The following MICU1 variants were observed in gnomAD, a reference collection of about 807,000 sequenced individuals.
MICU1 encodes mitochondrial calcium uptake 1.
MICU1 carries 45 observed loss-of-function variants against 56.8 expected under a neutral mutation model. That is an observed-to-expected ratio of 0.79 (90% CI 0.62 to 1.02). The LOEUF (loss-of-function observed/expected upper bound fraction) is 1.02, where lower values mean the gene tolerates loss of function less well. Among genes scored for constraint, MICU1 ranks in the 50% least tolerant of loss-of-function variants. MICU1 has a pLI of 0.00. For synonymous variants in MICU1, 186 were observed against 195.1 expected (o/e 0.95, Z 0.39); for missense variants, 504 against 587.1 (o/e 0.86, Z 1.46).
At chr10:72,571,189 C>A (rs961946410) in intron 1 of MICU1, among the ~76,000 whole-genome samples, 1 of 152,120 alleles carries the variant, frequency 6.6e-6, no homozygotes, top group Non-Finnish European at 1.5e-5. Context: ...CATGGTGAAA[C>A]CCTGTCTCTA....
At chr10:72,549,191 G>GGT (rs1379085996) in intron 4 of MICU1, among the ~76,000 whole-genome samples, 4 of 131,538 alleles carry the variant, frequency 3.0e-5, no homozygotes, top group African/African-American at 2.8e-5. Context: ...GTTTTTTTTG[G>GGT]TTTTTTTTTT....
intron 10 of MICU1, among the ~76,000 whole-genome samples, chr10:72,386,201 G>A (rs1589158766): frequency 6.6e-6 from 1 of 151,790 alleles, no homozygotes; most frequent in East Asian, 1.9e-4. Context: ...TTTTGGAGGG[G>A]GACGGAGTCT....
intron 8 of MICU1, among the ~76,000 whole-genome samples, chr10:72,471,512 A>G (rs1865950658): frequency 6.6e-6 from 1 of 152,222 alleles, no homozygotes; most frequent in African/African-American, 2.4e-5. Context: ...GATTGTGGTC[A>G]GGCTGGCACC....
At chr10:72,438,502 A>G (rs1312248554) in intron 8 of MICU1, among the ~76,000 whole-genome samples, 1 of 152,236 alleles carries the variant, frequency 6.6e-6, no homozygotes, top group Admixed American at 6.5e-5. Flanking sequence ...GAGAAGCAAG[A>G]GCAAACAAAT....
intron 6 of MICU1, among the ~76,000 whole-genome samples, chr10:72,481,437 A>T (rs571536396): frequency 6.6e-6 from 1 of 152,152 alleles, no homozygotes; most frequent in South Asian, 2.1e-4. Flanking sequence ...TTTGAGACTG[A>T]ATCTTGCTCT....
In MICU1 at chr10:72,408,055, G is replaced by C. The variant is rs1309424135; in HGVS notation, c.1072-18C>G. On this transcript the variant is annotated intron_variant, in intron 9 of 11. Transcript: ENST00000361114. ...GTCAGACCCTGCAAGAGGAGAGACA[G>C]CAAGGTAAGGCAGGACCTGTAACAA... is the stretch of plus-strand genomic sequence containing the variant. 1.5e-5 allele frequency: 23 copies of C among 1,544,330 alleles called. No homozygotes were observed. Among genetic ancestry groups the C allele is most frequent in the East Asian group, 2.2e-5 (1 of 44,548 alleles).
chr10:72,588,232 A>C (rs1175877295), intron 1 of MICU1, among the ~76,000 whole-genome samples: 1 of 152,076 alleles, frequency 6.6e-6, no homozygotes, highest in Non-Finnish European at 1.5e-5. Context: ...CATAATTGAA[A>C]GTTTCCTGAG....
intron 1 of MICU1, among the ~76,000 whole-genome samples, chr10:72,567,053 A>G (rs149115154): frequency 1.3e-5 from 2 of 152,302 alleles, no homozygotes; most frequent in East Asian, 3.9e-4. Flanking sequence ...AACTTTTAAT[A>G]TAAAACATTA....
At chr10:72,477,998 A>C (rs535464381) in intron 6 of MICU1, among the ~76,000 whole-genome samples, 93 of 151,696 alleles carry the variant, frequency 6.1e-4, no homozygotes, top group Non-Finnish European at 1.2e-3. Context: ...CCACCCGAGT[A>C]ATTGGGATTA....
In MICU1 at chr10:72,586,013, C is replaced by CTTTTTTTTT. The variant is rs71021511; in HGVS notation, c.-1-19228_-1-19220dup. On this transcript the variant is annotated intron_variant, in intron 1 of 11. Transcript: ENST00000361114. ...GTTTTTATTTTTTCTTTTTTTTTTT[C>CTTTTTTTTT]TTTTTTTTTTTTTTTTTTTGAGACA... is the stretch of plus-strand genomic sequence containing the variant. Among the ~76,000 whole-genome samples, 78 of 74,706 alleles carry CTTTTTTTTT rather than the reference C, an allele frequency of 1.0e-3. 3 individuals are homozygous for CTTTTTTTTT. The highest frequency in any genetic ancestry group is 1.3e-3 in the Non-Finnish European group (55 of 42,590). 49.0% of individuals were successfully genotyped at this position (74,706 alleles called of 152,430 possible).
At chr10:72,597,430 T>C (rs998431140) in intron 1 of MICU1, among the ~76,000 whole-genome samples, 2 of 152,214 alleles carry the variant, frequency 1.3e-5, no homozygotes, top group African/African-American at 4.8e-5. Context: ...TAAGACATTC[T>C]TGGGCTTATG....
intron 6 of MICU1, among the ~76,000 whole-genome samples, chr10:72,492,822 T>TAAAATAAAATAAAAG (rs1866706210): frequency 7.3e-6 from 1 of 137,488 alleles, no homozygotes. Context: ...TAAAATAAAA[T>TAAAATAAAATAAAAG]AAAATGTATA....
At chr10:72,522,772 T>C (rs1304445219) in intron 5 of MICU1, among the ~76,000 whole-genome samples, 2 of 152,130 alleles carry the variant, frequency 1.3e-5, no homozygotes, top group East Asian at 3.8e-4. Flanking sequence ...AAGCAAGAAA[T>C]GCCTCTTCTA....
At chr10:72,547,727 A>C (rs937772820) in intron 4 of MICU1, among the ~76,000 whole-genome samples, 10 of 152,200 alleles carry the variant, frequency 6.6e-5, no homozygotes, top group Admixed American at 5.9e-4. Context: ...TTATGGATGC[A>C]ATCAGTAAAA....
chr10:72,494,852 A>AC (rs1044353343), intron 6 of MICU1, among the ~76,000 whole-genome samples: 1 of 151,438 alleles, frequency 6.6e-6, no homozygotes, highest in Admixed American at 6.6e-5. Context: ...TAAAAAAAAA[A>AC]AAAACAAAAC....
intron 1 of MICU1, among the ~76,000 whole-genome samples, chr10:72,571,445 G>A (rs1840609018): frequency 1.3e-5 from 2 of 152,164 alleles, no homozygotes; most frequent in South Asian, 4.1e-4. Context: ...GTAGAGAACA[G>A]CTAGACATAT....
At chr10:72,521,916 A>G (rs1270220655) in intron 5 of MICU1, among the ~76,000 whole-genome samples, 1 of 152,068 alleles carries the variant, frequency 6.6e-6, no homozygotes, top group African/African-American at 2.4e-5. Context: ...TATTTCAATC[A>G]TTTTGAAATG....
At chr10:72,463,166 C>A (rs1238289834) in intron 8 of MICU1, among the ~76,000 whole-genome samples, 1 of 151,972 alleles carries the variant, frequency 6.6e-6, no homozygotes, top group Admixed American at 6.6e-5. Context: ...CGGGTTCAAG[C>A]GATTGTCCTG....
chr10:72,473,910 T>G (rs1181569959), intron 8 of MICU1, among the ~76,000 whole-genome samples: 2 of 152,048 alleles, frequency 1.3e-5, no homozygotes, highest in Non-Finnish European at 2.9e-5. Flanking sequence ...GTTTTAGTTA[T>G]AGTAGTTAAT....
Sources: allele counts gnomAD v4.1 joint callset (sites outside exome capture counted in the v4.1 genomes callset), GRCh38; gene constraint gnomAD v4.1.1; transcripts MANE v1.5; gene names NCBI Gene and HGNC (gene_info 2026-07-23, HGNC 2026-07-21).